The following ERC2 variants were observed in gnomAD, a reference collection of about 807,000 sequenced individuals.
The protein encoded by ERC2 is ERC protein 2.
A neutral mutation model predicts 114.8 loss-of-function variants in ERC2; 42 were observed. The observed-to-expected ratio is 0.37, with a 90% CI of 0.29 to 0.47. The LOEUF is 0.47. Ranked by LOEUF, ERC2 falls within the 20% of genes least tolerant of loss-of-function variation. The pLI is 0.99. For missense variants in ERC2, 939 were observed against 1,150.7 expected (o/e 0.82, Z 2.66); for synonymous variants, 454 against 425.5 (o/e 1.07, Z -0.82).
intron 1 of ERC2, among the ~76,000 whole-genome samples, chr3:56,457,629 G>A (rs944239458): frequency 1.3e-5 from 2 of 151,970 alleles, no homozygotes; most frequent in African/African-American, 2.4e-5. Context: ...GGCTCACAGG[G>A]TCTTATGCCC....
At chr3:56,304,519 C>G (rs1012488156) in intron 2 of ERC2, among the ~76,000 whole-genome samples, 15 of 145,654 alleles carry the variant, frequency 1.0e-4, no homozygotes, top group Non-Finnish European at 1.8e-4. Context: ...GGAAAGTCTT[C>G]ATTCTGTGAG....
chr3:55,937,328 GACAGAGTGAGACTCCGTCTCAAAA>G (rs1193076278), intron 13 of ERC2, among the ~76,000 whole-genome samples: 4 of 152,224 alleles, frequency 2.6e-5, no homozygotes, highest in Non-Finnish European at 5.9e-5. Context: ...TAGCCTGGGT[GACAGAGTGAGACTCCGTCTCAAAA>G]ACAAAACAAA....
chr3:55,858,096 T>G (rs192629905), intron 14 of ERC2, among the ~76,000 whole-genome samples: 1 of 152,208 alleles, frequency 6.6e-6, no homozygotes, highest in African/African-American at 2.4e-5. Context: ...TATATACATA[T>G]ACATGCATAC....
At chr3:55,625,970 C>T (rs1261421191) in intron 17 of ERC2, among the ~76,000 whole-genome samples, 1 of 152,056 alleles carries the variant, frequency 6.6e-6, no homozygotes, top group African/African-American at 2.4e-5. Context: ...AAAGAAGTAC[C>T]CTATTATCTC....
In ERC2 at chr3:56,023,247, CT is replaced by C. The variant is rs536909514; in HGVS notation, c.1642-4217del. Among the ~76,000 whole-genome samples the C allele has an allele frequency of 2.6e-4, 39 of 152,230 alleles. 1 individual carries two copies. The East Asian group carries it at 7.4e-3, about 29-fold the overall frequency. ...CAAAGGTAACCTTCCCAAAATGCAA[CT>C]CTAACTGCATGACTTCCTTCCTTAG... On this transcript the variant is annotated intron_variant, in intron 7 of 17. Transcript: ENST00000288221.
chr3:55,675,717 T>C (rs1466756423), intron 17 of ERC2, among the ~76,000 whole-genome samples: 3 of 152,070 alleles, frequency 2.0e-5, no homozygotes, highest in African/African-American at 7.2e-5. Flanking sequence ...AAATGAAACC[T>C]GTGAGCCTTC....
At chr3:56,249,667 C>G (rs1438448835) in intron 3 of ERC2, among the ~76,000 whole-genome samples, 1 of 150,760 alleles carries the variant, frequency 6.6e-6, no homozygotes, top group Non-Finnish European at 1.5e-5. Flanking sequence ...GTTTCTTCAT[C>G]TGAAAATGTC....
intron 1 of ERC2, among the ~76,000 whole-genome samples, chr3:56,467,494 C>A (rs1331126463): frequency 1.3e-5 from 2 of 152,156 alleles, no homozygotes; most frequent in Admixed American, 1.3e-4. Context: ...TTTTATTACC[C>A]CGAACCAAAG....
At chr3:55,556,553 C>T (rs1211958887) in intron 17 of ERC2, among the ~76,000 whole-genome samples, 1 of 152,184 alleles carries the variant, frequency 6.6e-6, no homozygotes, top group African/African-American at 2.4e-5. Context: ...CAATCAAATC[C>T]AGTGAGAGGA....
At chr3:56,162,455 A>G (rs563020229) in intron 4 of ERC2, among the ~76,000 whole-genome samples, 1 of 152,324 alleles carries the variant, frequency 6.6e-6, no homozygotes, top group South Asian at 2.1e-4. Flanking sequence ...TAAAACTAGT[A>G]CCAGCTCTTC....
At chr3:56,183,479 T>C (rs2083407273) in intron 3 of ERC2, among the ~76,000 whole-genome samples, 1 of 152,202 alleles carries the variant, frequency 6.6e-6, no homozygotes, top group South Asian at 2.1e-4. Flanking sequence ...CAATCATCAT[T>C]GAAATGTATC....
chr3:56,441,948 G>A (rs1309719316), intron 1 of ERC2, among the ~76,000 whole-genome samples: 1 of 152,224 alleles, frequency 6.6e-6, no homozygotes, highest in Non-Finnish European at 1.5e-5. Context: ...TAAGGCAGAA[G>A]GAAAGCTTCA....
intron 7 of ERC2, among the ~76,000 whole-genome samples, chr3:56,063,913 C>G (rs1224923649): frequency 6.6e-6 from 1 of 152,046 alleles, no homozygotes; most frequent in East Asian, 1.9e-4. Context: ...ATTAAATATA[C>G]TCATAAATAT....
chr3:55,702,415 C>T (rs1379145639), intron 15 of ERC2, among the ~76,000 whole-genome samples: 1 of 152,186 alleles, frequency 6.6e-6, no homozygotes, highest in African/African-American at 2.4e-5. Context: ...ATTTATCTTG[C>T]TTGTAACATA....
intron 14 of ERC2, among the ~76,000 whole-genome samples, chr3:55,769,446 T>C (rs2068044571): frequency 6.6e-6 from 1 of 151,804 alleles, no homozygotes; most frequent in Non-Finnish European, 1.5e-5. Context: ...CATCACAGGG[T>C]CTCTGTCTGG....
chr3:55,800,187 C>T (rs1313419749), intron 14 of ERC2, among the ~76,000 whole-genome samples: 1 of 152,110 alleles, frequency 6.6e-6, no homozygotes, highest in Non-Finnish European at 1.5e-5. Context: ...GTTGCCCAGG[C>T]TGGAGTGCAA....
intron 2 of ERC2, among the ~76,000 whole-genome samples, chr3:56,432,514 C>A (rs9857355): frequency 6.6e-6 from 1 of 152,078 alleles, no homozygotes; most frequent in Non-Finnish European, 1.5e-5. Context: ...AAGAACAAAC[C>A]TTTCGGTTCC....
At chr3:56,259,599 T>C (rs2052770982) in intron 3 of ERC2, among the ~76,000 whole-genome samples, 2 of 152,048 alleles carry the variant, frequency 1.3e-5, no homozygotes, top group Non-Finnish European at 2.9e-5. Context: ...CCAGATACCC[T>C]CTAGGTTATT....
intron 15 of ERC2, among the ~76,000 whole-genome samples, chr3:55,710,834 A>G (rs1289394445): frequency 6.6e-6 from 1 of 152,196 alleles, no homozygotes; most frequent in Non-Finnish European, 1.5e-5. Flanking sequence ...AAATGTTAAT[A>G]CTGGGCCACA....
Sources: gnomAD v4.1 joint callset for allele counts (sites outside exome capture counted in the v4.1 genomes callset) on GRCh38, gnomAD v4.1.1 for gene constraint, MANE v1.5 for transcripts, NCBI Gene and HGNC (gene_info 2026-07-23, HGNC 2026-07-21) for gene names.